PRKD1: variants seen among roughly 807,000 people sequenced by gnomAD.
PRKD1 encodes the protein protein kinase D1, also known as serine/threonine-protein kinase D1.
Under a neutral mutation model 95.9 loss-of-function variants are expected in PRKD1, and 63 were observed. That is an observed-to-expected ratio of 0.66 (90% CI 0.54 to 0.81). The LOEUF is 0.81. PRKD1 is among the 30% of genes least tolerant of loss of function. The pLI, the probability that PRKD1 is intolerant of heterozygous loss-of-function variation, is 0.00. For missense variants in PRKD1, 1,048 were observed against 1,165.3 expected (o/e 0.90, Z 1.47); for synonymous variants, 425 against 423.1 (o/e 1.00, Z -0.05).
At chr14:29,860,166 T>A (rs767415695) in intron 1 of PRKD1, among the ~76,000 whole-genome samples, 5 of 152,240 alleles carry the variant, frequency 3.3e-5, no homozygotes, top group Non-Finnish European at 7.3e-5. Context: ...GCAAAACAAG[T>A]TCACTTCTTT....
At chr14:29,885,842 G>A (rs1347577888) in intron 1 of PRKD1, among the ~76,000 whole-genome samples, 1 of 137,216 alleles carries the variant, frequency 7.3e-6, no homozygotes, top group Non-Finnish European at 1.6e-5. Context: ...AGCCAGGCGT[G>A]GTGGCACGCA....
At position 29,636,294 on chromosome 14, in the gene PRKD1, T is replaced by C; in HGVS notation, c.1186A>G (p.Ile396Val). Residue 396 changes from isoleucine to valine, a missense_variant, in exon 7 of 18, where the codon ATC becomes GTC. By Grantham distance (29) the Ile-to-Val change is conservative. This residue lies in a region of PRKD1 where 739 missense variants were observed against 861.9 expected (regional missense o/e 0.86). Coordinates refer to ENST00000331968, the MANE Select transcript of PRKD1 (RefSeq NM_002742.3). The part of the protein sequence containing the change: ...DPDHEDANRT[I>V]SPSTSNNIPL... ...GGCTGGGAGTGCTGCTCTCACCTGATGGTTCTGTTGGCGTCCTCGTGGTCT... is the reference window on the plus strand; with the variant it reads ...GGCTGGGAGTGCTGCTCTCACCTGACGGTTCTGTTGGCGTCCTCGTGGTCT... 2 of 1,614,232 alleles carry C rather than the reference T, an allele frequency of 1.2e-6. No homozygotes were observed. Among genetic ancestry groups the C allele is most frequent in the Admixed American group, 1.7e-5 (1 of 60,028 alleles).
At chr14:29,873,511 T>C (rs954019121) in intron 1 of PRKD1, among the ~76,000 whole-genome samples, 3 of 152,030 alleles carry the variant, frequency 2.0e-5, no homozygotes, top group Non-Finnish European at 4.4e-5. Flanking sequence ...AAATCTTGCA[T>C]AGAGCTAAAG....
chr14:29,776,360 A>G (rs755783312), intron 1 of PRKD1, among the ~76,000 whole-genome samples: 1 of 152,206 alleles, frequency 6.6e-6, no homozygotes, highest in Non-Finnish European at 1.5e-5. Flanking sequence ...CTAAAGGAGG[A>G]TGTTCGAACC....
At position 29,889,862 on chromosome 14, in the gene PRKD1, T is replaced by C. The variant is rs186801136; in HGVS notation, c.264+37387A>G. On this transcript the variant is annotated intron_variant, in intron 1 of 17. Coordinates refer to ENST00000331968, the MANE Select transcript of PRKD1 (RefSeq NM_002742.3). ...GTAACAAACCTGCACGTTGTGCATG[T>C]GTACCCTAGAACTTAAAGTATAATA... Among the ~76,000 whole-genome samples, 14 of 152,362 alleles carry C rather than the reference T, an allele frequency of 9.2e-5. No homozygotes were observed. The East Asian group carries it at 2.7e-3, about 29-fold the overall frequency.
At chr14:29,854,581 T>A (rs1184311007) in intron 1 of PRKD1, among the ~76,000 whole-genome samples, 1 of 152,158 alleles carries the variant, frequency 6.6e-6, no homozygotes, top group Non-Finnish European at 1.5e-5. Context: ...CGCCTGACAA[T>A]GTGATAGGAA....
chr14:29,753,606 T>A (rs1026103838), intron 1 of PRKD1, among the ~76,000 whole-genome samples: 2 of 152,168 alleles, frequency 1.3e-5, no homozygotes, highest in African/African-American at 4.8e-5. Context: ...TTTCTACATA[T>A]CCTTTCTCCT....
chr14:29,883,434 T>C (rs1893585779), intron 1 of PRKD1, among the ~76,000 whole-genome samples: 1 of 152,228 alleles, frequency 6.6e-6, no homozygotes, highest in South Asian at 2.1e-4. Flanking sequence ...TATTTTACCA[T>C]GTGTATATTT....
At chr14:29,598,174 G>A (rs1893380027) in intron 15 of PRKD1, among the ~76,000 whole-genome samples, 1 of 151,922 alleles carries the variant, frequency 6.6e-6, no homozygotes, top group South Asian at 2.1e-4. Context: ...TATTCGAGAG[G>A]CTGAGGTGAG....
At chr14:29,772,164 C>A (rs1257847911) in intron 1 of PRKD1, among the ~76,000 whole-genome samples, 1 of 152,082 alleles carries the variant, frequency 6.6e-6, no homozygotes, top group Non-Finnish European at 1.5e-5. Flanking sequence ...GTATTTAGCA[C>A]GTGAGAAGAA....
At chr14:29,610,100 T>G (rs1443382631) in intron 13 of PRKD1, among the ~76,000 whole-genome samples, 16 of 152,178 alleles carry the variant, frequency 1.1e-4, no homozygotes, top group Admixed American at 1.0e-3. Flanking sequence ...TTCTAGTTTT[T>G]TTGACTTTTC....
intron 2 of PRKD1, among the ~76,000 whole-genome samples, chr14:29,687,554 T>C (rs1883953741): frequency 6.6e-6 from 1 of 152,214 alleles, no homozygotes; most frequent in African/African-American, 2.4e-5. Context: ...CTTGATTGTC[T>C]GGAAGGGGGG....
At chr14:29,660,940 A>T (rs1882153661) in intron 4 of PRKD1, among the ~76,000 whole-genome samples, 1 of 152,086 alleles carries the variant, frequency 6.6e-6, no homozygotes, top group Admixed American at 6.5e-5. Flanking sequence ...ATCCATGCCC[A>T]CAGAACTGTT....
chr14:29,807,636 T>A (rs1408514274), intron 1 of PRKD1, among the ~76,000 whole-genome samples: 3 of 151,914 alleles, frequency 2.0e-5, no homozygotes, highest in African/African-American at 4.8e-5. Flanking sequence ...TGAGCTCAAG[T>A]GATCCACCAC....
intron 2 of PRKD1, among the ~76,000 whole-genome samples, chr14:29,703,164 G>A (rs1033026007): frequency 2.6e-5 from 4 of 152,056 alleles, no homozygotes; most frequent in African/African-American, 4.8e-5. Flanking sequence ...CTCAACTCAA[G>A]AAGCTTTCCT....
At chr14:29,618,453 A>G (rs368536170) in intron 13 of PRKD1, among the ~76,000 whole-genome samples, 1 of 152,102 alleles carries the variant, frequency 6.6e-6, no homozygotes, top group East Asian at 1.9e-4. Context: ...ATGGGGTTTC[A>G]CCGTGTTGGC....
At chr14:29,750,616 G>GCGCGCGCGCACACA (rs72239992) in intron 1 of PRKD1, among the ~76,000 whole-genome samples, 2,382 of 148,442 alleles carry the variant, frequency 0.016, 76 homozygotes, top group Admixed American at 0.081. Context: ...ATGAACGCGC[G>GCGCGCGCGCACACA]CACACACACA....
chr14:29,653,904 C>A (rs1034669402), intron 4 of PRKD1, among the ~76,000 whole-genome samples: 3 of 151,998 alleles, frequency 2.0e-5, no homozygotes, highest in Non-Finnish European at 4.4e-5. Flanking sequence ...TTCTCTCCAA[C>A]AAAGAAATAT....
intron 4 of PRKD1, among the ~76,000 whole-genome samples, chr14:29,646,385 T>C (rs1331092085): frequency 6.6e-6 from 1 of 152,136 alleles, no homozygotes. Flanking sequence ...TAGAAGAGTA[T>C]AATTGGATTG....
Sources: gnomAD v4.1 joint callset for allele counts (sites outside exome capture counted in the v4.1 genomes callset) on GRCh38, gnomAD v4.1.1 for gene constraint, gnomAD v4.1.1 regional missense constraint, MANE v1.5 for transcripts, NCBI Gene and HGNC (gene_info 2026-07-23, HGNC 2026-07-21) for gene names.